The following RASGRF1 variants were observed in gnomAD, a reference collection of about 807,000 sequenced individuals.
RASGRF1 encodes Ras protein specific guanine nucleotide releasing factor 1.
In RASGRF1, 40 loss-of-function variants were observed where a neutral mutation model predicts 138.7. The ratio of observed to expected loss-of-function variants is 0.29; its 90% CI spans 0.22 to 0.38. RASGRF1 has a LOEUF of 0.38. RASGRF1 is among the 10% of genes least tolerant of loss of function. The pLI is 1.00. For synonymous variants in RASGRF1, 614 were observed against 663.2 expected (o/e 0.93, Z 1.14); for missense variants, 1,108 against 1,650.4 (o/e 0.67, Z 5.69).
rs954164513 is a variant in RASGRF1 at position 78,961,034 on chromosome 15, T to C, written c.*1110A>G. 6.6e-6 allele frequency: 1 copy of C among 152,252 alleles called. No homozygotes were observed. The highest frequency in any genetic ancestry group is 1.5e-5 in the Non-Finnish European group (1 of 68,034). The allele number at this position is 152,252 out of a possible 1,614,324, so 9.4% of individuals were successfully genotyped here. A position where few individuals can be genotyped will look rare whatever the true frequency, so the allele number is the denominator to read the frequency against. On this transcript the variant is annotated 3_prime_UTR_variant, in exon 27 of 27. Transcript: ENST00000558480. ...TTTAGGACTTGAAATAGAATTCTCA[T>C]ACCACTAGGTATTGCTTACAGCAAA... is the stretch of plus-strand genomic sequence containing the variant.
At chr15:79,008,370 T>C (rs1179779073) in intron 13 of RASGRF1, among the ~76,000 whole-genome samples, 2 of 152,234 alleles carry the variant, frequency 1.3e-5, no homozygotes, top group Non-Finnish European at 2.9e-5. Context: ...CCCGTAAAGA[T>C]ACTGCAGTTC....
In RASGRF1 at chr15:79,071,526, A is replaced by ATT. The variant is rs60329515; in HGVS notation, c.277-7002_277-7001dup. On this transcript the variant is annotated intron_variant, in intron 1 of 26. Coordinates refer to ENST00000558480, the MANE Select transcript of RASGRF1 (RefSeq NM_001145648.3). ...AGGTGTGCGCCGCCATGCCCGGCTA[A>ATT]TTTTTTTTTTTTTTTGTATTTTTAG... Among the ~76,000 whole-genome samples, 1,354 of 141,350 alleles carry ATT rather than the reference A, an allele frequency of 9.6e-3. 28 individuals carry two copies. The highest frequency in any genetic ancestry group is 0.033 in the African/African-American group (1,277 of 38,682). 92.7% of individuals were successfully genotyped at this position (141,350 alleles called of 152,430 possible). A position where few individuals can be genotyped will look rare whatever the true frequency, so the allele number is the denominator to read the frequency against.
chr15:78,977,732 AC>A (rs1339169823), intron 24 of RASGRF1, among the ~76,000 whole-genome samples: 1 of 152,214 alleles, frequency 6.6e-6, no homozygotes, highest in Non-Finnish European at 1.5e-5. Flanking sequence ...GCCTACAATA[AC>A]AGCCTGTCCC....
chr15:79,012,353 T>C (rs2141752225), intron 13 of RASGRF1: 2 of 684,294 alleles, frequency 2.9e-6, no homozygotes, highest in Non-Finnish European at 2.6e-6. Context: ...CAGGTAGATC[T>C]ATCACTCATC....
chr15:79,017,270 T>C (rs2056891920), intron 12 of RASGRF1, among the ~76,000 whole-genome samples: 1 of 152,216 alleles, frequency 6.6e-6, no homozygotes, highest in South Asian at 2.1e-4. Flanking sequence ...TAATTGAGGC[T>C]GGGTTTGATC....
At chr15:78,962,890 TAAAATAAA>T in intron 26 of RASGRF1, among the ~76,000 whole-genome samples, 1 of 152,090 alleles carries the variant, frequency 6.6e-6, no homozygotes, top group Middle Eastern at 3.4e-3. Flanking sequence ...TAAAATAAAA[TAAAATAAA>T]AAGTTTTATA....
At chr15:78,989,924 C>T (rs750328185) in intron 22 of RASGRF1, among the ~76,000 whole-genome samples, 7 of 152,188 alleles carry the variant, frequency 4.6e-5, no homozygotes, top group African/African-American at 7.2e-5. Flanking sequence ...GGGCTCACAG[C>T]GAGCCAATGC....
At chr15:79,071,450 T>G (rs1394454733) in intron 1 of RASGRF1, among the ~76,000 whole-genome samples, 1 of 151,834 alleles carries the variant, frequency 6.6e-6, no homozygotes, top group Non-Finnish European at 1.5e-5. Context: ...ACCTCCACCT[T>G]CCAGGTTCAA....
chr15:79,068,424 C>G (rs2057707882), intron 1 of RASGRF1, among the ~76,000 whole-genome samples: 1 of 150,788 alleles, frequency 6.6e-6, no homozygotes, highest in African/African-American at 2.4e-5. Context: ...GCTTCCTCAT[C>G]TATGAAATGG....
rs190468599 is a variant in RASGRF1, at chr15:78,990,172, C to T, written c.3216+17G>A. The T allele has an allele frequency of 8.8e-3, 13,645 of 1,556,878 alleles. 79 individuals carry two copies. The highest frequency in any genetic ancestry group is 0.011 in the Non-Finnish European group (11,989 of 1,127,846). The stretch of plus-strand genomic sequence containing the variant: ...AAGAAAAACCCCAGTGAGAGAGGCG[C>T]TCCCATCCATACTCACGTCATTGAA... On this transcript the variant is annotated intron_variant, in intron 22 of 26. Coordinates refer to ENST00000558480, the MANE Select transcript of RASGRF1 (RefSeq NM_001145648.3).
At chr15:78,985,341 G>T in intron 22 of RASGRF1, 137 bp from the exon 23 acceptor site, 2 of 924,316 alleles carry the variant, frequency 2.2e-6, no homozygotes, top group Non-Finnish European at 1.6e-6. Context: ...AACTAACAGA[G>T]CTTGCTAGGG....
chr15:79,034,346 T>TAAAAAA, intron 6 of RASGRF1, among the ~76,000 whole-genome samples: 1 of 151,330 alleles, frequency 6.6e-6, no homozygotes, highest in East Asian at 2.0e-4. Context: ...GAGGTTCTTC[T>TAAAAAA]GTCTGTTGCT....
At chr15:78,978,782 C>G (rs2055943663) in intron 24 of RASGRF1, 1 of 1,128,234 alleles carries the variant, frequency 8.9e-7, no homozygotes, top group Admixed American at 3.9e-5. Flanking sequence ...CCCCAGGTTT[C>G]CCCAGTCCCT....
intron 25 of RASGRF1, among the ~76,000 whole-genome samples, chr15:78,972,423 A>C (rs180792507): frequency 6.6e-6 from 1 of 151,074 alleles, no homozygotes; most frequent in East Asian, 1.9e-4. Context: ...TTTTTTTTTA[A>C]ACAGAAATCT....
At chr15:79,058,313 C>A in intron 3 of RASGRF1, 21 bp downstream of exon 3, 1 of 1,609,120 alleles carries the variant, frequency 6.2e-7, no homozygotes, top group Non-Finnish European at 8.5e-7. Context: ...GGCCTGGGCC[C>A]ACCCCCCAGC....
At chr15:79,065,533 G>A (rs1280167405) in intron 1 of RASGRF1, among the ~76,000 whole-genome samples, 1 of 152,082 alleles carries the variant, frequency 6.6e-6, no homozygotes, top group African/African-American at 2.4e-5. Flanking sequence ...AGACTGGGCT[G>A]GGGCATTGGC....
intron 15 of RASGRF1, among the ~76,000 whole-genome samples, chr15:79,003,275 G>GT (rs1324289963): frequency 6.6e-6 from 1 of 152,162 alleles, no homozygotes; most frequent in Non-Finnish European, 1.5e-5. Context: ...CTTCTATGAC[G>GT]CTCCTAATGG....
intron 1 of RASGRF1, among the ~76,000 whole-genome samples, chr15:79,079,609 T>G (rs1191196802): frequency 6.6e-6 from 1 of 152,140 alleles, no homozygotes; most frequent in African/African-American, 2.4e-5. Context: ...TAATTATACA[T>G]GCATGCATAT....
chr15:79,033,960 C>G (rs144420246), intron 6 of RASGRF1, among the ~76,000 whole-genome samples: 12 of 152,332 alleles, frequency 7.9e-5, no homozygotes, highest in African/African-American at 2.9e-4. Flanking sequence ...TAGAGGGTAG[C>G]TCATGTGATG....
Sources: allele counts gnomAD v4.1 joint callset (sites outside exome capture counted in the v4.1 genomes callset), GRCh38; gene constraint gnomAD v4.1.1; transcripts MANE v1.5; gene names NCBI Gene and HGNC (gene_info 2026-07-23, HGNC 2026-07-21).